The following ANO5 variants were observed in gnomAD, a reference collection of about 807,000 sequenced individuals.
ANO5 encodes the protein anoctamin 5, also known as anoctamin-5.
In ANO5, 109 loss-of-function variants were observed where a neutral mutation model predicts 121.0. The ratio of observed to expected loss-of-function variants is 0.90; its 90% CI spans 0.77 to 1.06. The LOEUF (loss-of-function observed/expected upper bound fraction) is 1.06. Ranked by LOEUF, ANO5 falls within the 50% of genes least tolerant of loss-of-function variation. The probability of loss-of-function intolerance (pLI) is 0.00; values close to 1 mark genes in which losing one functional copy is unlikely to be tolerated. For missense variants in ANO5, 1,064 were observed against 1,078.5 expected, an observed-to-expected ratio of 0.99 and a Z score of 0.19; for synonymous variants, 406 against 359.9, an observed-to-expected ratio of 1.13 and a Z score of -1.45.
rs1268411919 is a variant in ANO5, at chr11:22,211,198, TA to T, written c.88-62del. 7.0e-5 allele frequency: 109 copies of T among 1,553,024 alleles called. No individual in the cohort carries two copies. In the East Asian group the frequency reaches 2.4e-3, roughly 34 times the overall value. On this transcript the variant is annotated intron_variant, in intron 2 of 21. Coordinates refer to ENST00000324559, the MANE Select transcript of ANO5 (RefSeq NM_213599.3). ...AGATTACAGAGTTGTTACTGAAACT[TA>T]AAAGCACCCTTTGCTCCACCTGCAC...
chr11:22,262,917 C>A (rs748290056), intron 16 of ANO5, 29 bp from the exon 17 acceptor site: 12 of 1,522,182 alleles, frequency 7.9e-6, no homozygotes, highest in Non-Finnish European at 9.1e-6. Flanking sequence ...TCATTCAATT[C>A]TGTTTTCTCC....
intron 2 of ANO5, among the ~76,000 whole-genome samples, chr11:22,206,205 T>C (rs1211149421): frequency 7.9e-5 from 12 of 152,054 alleles, no homozygotes; most frequent in Admixed American, 7.9e-4. Flanking sequence ...CTCATGTACA[T>C]AGATACAAAA....
chr11:22,250,088 G>A, intron 9 of ANO5, 149 bp from the exon 10 acceptor site: 1 of 680,728 alleles, frequency 1.5e-6, no homozygotes, highest in South Asian at 1.9e-5. Flanking sequence ...GGAAACTGAA[G>A]TTTAGAGAGT....
chr11:22,243,338 G>A (rs1429561972), intron 9 of ANO5, among the ~76,000 whole-genome samples: 1 of 151,974 alleles, frequency 6.6e-6, no homozygotes, highest in African/African-American at 2.4e-5. Context: ...GACAACTTTT[G>A]TGTCTGTATT....
chr11:22,253,300 A>G (rs1853887601), intron 12 of ANO5, among the ~76,000 whole-genome samples: 3 of 152,062 alleles, frequency 2.0e-5, no homozygotes, highest in African/African-American at 7.2e-5. Flanking sequence ...CTTTCCTTAC[A>G]GTACTCTTTT....
intron 2 of ANO5, among the ~76,000 whole-genome samples, chr11:22,209,458 G>C (rs1590221837): frequency 6.6e-6 from 1 of 151,766 alleles, no homozygotes; most frequent in Non-Finnish European, 1.5e-5. Flanking sequence ...GTATTTAATG[G>C]GGTTTATATA....
intron 17 of ANO5, among the ~76,000 whole-genome samples, chr11:22,264,921 T>C (rs1377335638): frequency 1.3e-5 from 2 of 152,132 alleles, no homozygotes; most frequent in African/African-American, 4.8e-5. Context: ...CCTTGTACAG[T>C]GTAACAAATA....
At chr11:22,197,802 G>A (rs572039209) in intron 1 of ANO5, among the ~76,000 whole-genome samples, 1 of 152,266 alleles carries the variant, frequency 6.6e-6, no homozygotes, top group East Asian at 1.9e-4. Flanking sequence ...ACAGTGATTG[G>A]TACCAAATCT....
Position 22,239,697 on chromosome 11 carries a change from C to A in ANO5, c.878+13C>A. 6.4e-7 allele frequency: 1 copy of A among 1,553,078 alleles called. No homozygotes were observed. The highest frequency in any genetic ancestry group is 8.9e-7 in the Non-Finnish European group (1 of 1,125,044). On this transcript the variant is annotated intron_variant, in intron 9 of 21. Coordinates refer to ENST00000324559, the MANE Select transcript of ANO5 (RefSeq NM_213599.3). ...TAGACTTGATTAAGTAAGTTTCATA[C>A]ACAGGATCAGACCAATTAAAACTTG...
At chr11:22,262,918 T>C (rs1447140774) in intron 16 of ANO5, 28 bp from the exon 17 acceptor site, 1 of 1,528,496 alleles carries the variant, frequency 6.5e-7, no homozygotes, top group South Asian at 1.1e-5. Context: ...CATTCAATTC[T>C]GTTTTCTCCC....
At chr11:22,197,263 T>C (rs1851840876) in intron 1 of ANO5, among the ~76,000 whole-genome samples, 1 of 152,116 alleles carries the variant, frequency 6.6e-6, no homozygotes, top group Non-Finnish European at 1.5e-5. Context: ...ATTTTAAAAA[T>C]GAAATTCTAA....
rs1420479798 is a variant in ANO5 at position 22,280,775 on chromosome 11, T to A, written c.*1010T>A. 1 of 152,024 alleles carries A rather than the reference T, an allele frequency of 6.6e-6. No individual in the cohort carries two copies. The highest frequency in any genetic ancestry group is 1.5e-5 in the Non-Finnish European group (1 of 67,888). 9.4% of individuals were successfully genotyped at this position (152,024 alleles called of 1,614,324 possible). A position where few individuals can be genotyped will look rare whatever the true frequency, so the allele number is the denominator to read the frequency against. ...AAGTTTACAACCTTTTCTATTGATG[T>A]ATCATCTTATACAATGCTCAGTGCC... On this transcript the variant is annotated 3_prime_UTR_variant, in exon 22 of 22. Transcript: ENST00000324559.
intron 2 of ANO5, among the ~76,000 whole-genome samples, chr11:22,208,288 A>G (rs1852179956): frequency 6.6e-6 from 1 of 152,062 alleles, no homozygotes; most frequent in Non-Finnish European, 1.5e-5. Flanking sequence ...TAAGTGTCCT[A>G]CAGCAGGTGA....
At chr11:22,215,205 A>G (rs1346905098) in intron 3 of ANO5, among the ~76,000 whole-genome samples, 2 of 151,996 alleles carry the variant, frequency 1.3e-5, no homozygotes, top group African/African-American at 4.8e-5. Context: ...TTGAAGGAGT[A>G]TGGGCCTTGA....
At chr11:22,199,803 T>C (rs1315405134) in intron 1 of ANO5, among the ~76,000 whole-genome samples, 1 of 152,092 alleles carries the variant, frequency 6.6e-6, no homozygotes, top group Non-Finnish European at 1.5e-5. Context: ...AGATCTATAG[T>C]TGAAAAGGGA....
upstream of ANO5, chr11:22,192,827 G>A (rs1851688265): frequency 3.4e-6 from 1 of 298,124 alleles, no homozygotes; most frequent in Non-Finnish European, 5.0e-6. Context: ...CGGCCAACAG[G>A]GCCGGGGGGC....
chr11:22,217,951 A>C lies in ANO5; in HGVS notation c.139-295A>C, dbSNP rs368539371. 9.2e-5 allele frequency among the ~76,000 whole-genome samples: 14 copies of C among 151,924 alleles called. No homozygotes were observed. In the South Asian group the frequency reaches 2.9e-3, roughly 32 times the overall value. On this transcript the variant is annotated intron_variant, in intron 3 of 21. Coordinates refer to ENST00000324559, the MANE Select transcript of ANO5 (RefSeq NM_213599.3). Reference sequence around the variant, plus strand: ...CTGAACTTAAAAAAAAGTAGAAATAAATAAAATAAAATATAAATCCACAAA... The same window carrying C: ...CTGAACTTAAAAAAAAGTAGAAATACATAAAATAAAATATAAATCCACAAA...
intron 4 of ANO5, 23 bp downstream of exon 4, chr11:22,218,310 C>G (rs1267813755): frequency 6.2e-7 from 1 of 1,612,806 alleles, no homozygotes; most frequent in South Asian, 1.1e-5. Context: ...CTGAATGATG[C>G]TGCTTATGCT....
chr11:22,202,210 T>C (rs964252252), intron 1 of ANO5, among the ~76,000 whole-genome samples: 3 of 151,428 alleles, frequency 2.0e-5, no homozygotes, highest in East Asian at 3.9e-4. Flanking sequence ...TACAAACCAG[T>C]GTTTATTTTC....
Sources: gnomAD v4.1 joint callset for allele counts (sites outside exome capture counted in the v4.1 genomes callset) on GRCh38, gnomAD v4.1.1 for gene constraint, MANE v1.5 for transcripts, NCBI Gene and HGNC (gene_info 2026-07-23, HGNC 2026-07-21) for gene names.